SAMD5: variants seen among roughly 807,000 people sequenced by gnomAD.
The protein encoded by SAMD5 is sterile alpha motif domain containing 5, also known as sterile alpha motif domain-containing protein 5.
A neutral mutation model predicts 11.3 loss-of-function variants in SAMD5; 13 were observed. The ratio of observed to expected loss-of-function variants is 1.15; its 90% confidence interval spans 0.75 to 1.83. SAMD5 has a LOEUF of 1.83. SAMD5 is among the 40% of genes most tolerant of loss of function. The probability of loss-of-function intolerance (pLI) is 0.00; values close to 1 mark genes in which losing one functional copy is unlikely to be tolerated. For missense variants in SAMD5, 255 were observed against 239.1 expected (o/e 1.07, Z -0.44); for synonymous variants, 129 against 111.3 (o/e 1.16, Z -1.00).
chr6:147,902,084 G>A, the SAMD5 span, among the ~76,000 whole-genome samples: 1 of 151,826 alleles, frequency 6.6e-6, no homozygotes, highest in Non-Finnish European at 1.5e-5. Flanking sequence ...ATATTACATT[G>A]CTTTTGTAAT....
the SAMD5 span, among the ~76,000 whole-genome samples, chr6:147,796,603 G>T: frequency 1.3e-5 from 2 of 152,154 alleles, no homozygotes; most frequent in Non-Finnish European, 2.9e-5. Flanking sequence ...ATTCTGTGAA[G>T]AAAGTCATTG....
At chr6:147,741,835 T>G (rs2128460792), downstream of SAMD5, 1 of 152,314 alleles carries the variant, frequency 6.6e-6, no homozygotes, top group South Asian at 2.1e-4. Flanking sequence ...TTCTTTCACA[T>G]TTTCAAAGCT....
At chr6:147,944,030 G>T in the SAMD5 span, among the ~76,000 whole-genome samples, 1 of 152,248 alleles carries the variant, frequency 6.6e-6, no homozygotes, top group South Asian at 2.1e-4. Context: ...TACCAAGGAA[G>T]CTACTTCTGG....
chr6:147,806,503 G>A, the SAMD5 span, among the ~76,000 whole-genome samples: 15 of 152,244 alleles, frequency 9.9e-5, no homozygotes, highest in South Asian at 2.1e-4. Context: ...ACAAGCTCCC[G>A]CCTACTTGCT....
At chr6:147,792,120 A>G in the SAMD5 span, among the ~76,000 whole-genome samples, 17 of 152,192 alleles carry the variant, frequency 1.1e-4, no homozygotes, top group Non-Finnish European at 8.8e-5. Flanking sequence ...AGAATGAGAA[A>G]GGAATTTATT....
chr6:147,655,155 G>A (rs62436322), intron 1 of SAMD5, among the ~76,000 whole-genome samples: 17,738 of 151,854 alleles, frequency 0.12, 1,143 homozygotes, highest in Non-Finnish European at 0.15. Context: ...GCTAGTTTGG[G>A]CACACAAATT....
Position 147,625,682 on chromosome 6 carries a change from C to CTAAG in SAMD5, c.163-111634_163-111631dup, listed in dbSNP as rs1158942409. ...AGCCTATGTTTAGATAGCTCACAAA[C>CTAAG]TAAGCCCTTTTAGAGGGTCGTTAAA... On this transcript the variant is annotated intron_variant, in intron 1 of 1. Coordinates refer to the SAMD5 transcript ENST00000566741. Among the ~76,000 whole-genome samples the CTAAG allele has an allele frequency of 1.3e-5, 2 of 152,160 alleles. 1 individual carries two copies. The highest frequency in any genetic ancestry group is 3.9e-4 in the East Asian group (2 of 5,190).
At chr6:147,863,821 A>G in the SAMD5 span, among the ~76,000 whole-genome samples, 1 of 136,190 alleles carries the variant, frequency 7.3e-6, no homozygotes, top group Admixed American at 7.3e-5. Context: ...TCATCATTTC[A>G]CTTTGATTTC....
At chr6:147,825,157 G>T in the SAMD5 span, among the ~76,000 whole-genome samples, 1 of 151,992 alleles carries the variant, frequency 6.6e-6, no homozygotes, top group South Asian at 2.1e-4. Flanking sequence ...AATTAGCCAG[G>T]CGTGGTGGTG....
chr6:147,649,065 G>T (rs1162803337), intron 1 of SAMD5, among the ~76,000 whole-genome samples: 1 of 152,152 alleles, frequency 6.6e-6, no homozygotes, highest in Non-Finnish European at 1.5e-5. Context: ...TATGTTCCAT[G>T]TAATGTTTTC....
At position 147,594,489 on chromosome 6, in the gene SAMD5, T is replaced by C. The variant is rs775403181; in HGVS notation, c.162+85102T>C. Among the ~76,000 whole-genome samples, 27 of 152,214 alleles carry C rather than the reference T, an allele frequency of 1.8e-4. 1 individual carries two copies. Among genetic ancestry groups the C allele is most frequent in the Admixed American group, 3.9e-4 (6 of 15,276 alleles). Reference sequence around the variant, plus strand: ...CAGACATAATTGAGACCGAGTTTGTTCTACAAGTTTTTATCTAATCCATTA... The same window carrying C: ...CAGACATAATTGAGACCGAGTTTGTCCTACAAGTTTTTATCTAATCCATTA... On this transcript the variant is annotated intron_variant, in intron 1 of 1. Transcript: ENST00000566741.
chr6:147,854,137 A>G, the SAMD5 span, among the ~76,000 whole-genome samples: 7 of 152,290 alleles, frequency 4.6e-5, no homozygotes, highest in African/African-American at 7.2e-5. Flanking sequence ...AAGCTTTCAC[A>G]GGATAGGTGA....
At chr6:147,509,447 G>GCCT in intron 1 of SAMD5, 60 bp downstream of exon 1, 1 of 1,444,066 alleles carries the variant, frequency 6.9e-7, no homozygotes, top group Non-Finnish European at 9.2e-7. Context: ...CAGCCCAGCT[G>GCCT]CCTGTGCCAA....
At chr6:147,934,232 C>T in the SAMD5 span, among the ~76,000 whole-genome samples, 1 of 152,166 alleles carries the variant, frequency 6.6e-6, no homozygotes, top group Admixed American at 6.5e-5. Flanking sequence ...AATTTTCCCA[C>T]ATAGCTAGAA....
At chr6:147,622,610 A>G (rs953925539) in intron 1 of SAMD5, among the ~76,000 whole-genome samples, 2 of 152,182 alleles carry the variant, frequency 1.3e-5, no homozygotes, top group Non-Finnish European at 2.9e-5. Flanking sequence ...CCCACCAGGA[A>G]CTATTTCCTG....
rs1462627998 is a variant in SAMD5 at position 147,569,189 on chromosome 6, C to G, written c.*4733C>G. ...TGAGCTGAGATCGCGCCAGTGCGCTCCAGCCTGGGCAACAGAGTGAGACTC... is the reference window on the plus strand; with the variant it reads ...TGAGCTGAGATCGCGCCAGTGCGCTGCAGCCTGGGCAACAGAGTGAGACTC... On this transcript the variant is annotated 3_prime_UTR_variant, in exon 2 of 2. Coordinates refer to ENST00000367474, the MANE Select transcript of SAMD5 (RefSeq NM_001030060.3). The G allele has an allele frequency of 1.3e-5, 3 of 231,358 alleles. No homozygotes were observed. Among genetic ancestry groups the G allele is most frequent in the Non-Finnish European group, 2.1e-5 (3 of 143,496 alleles). The allele number at this position is 231,358 out of a possible 1,614,324, so 14.3% of individuals were successfully genotyped here.
chr6:147,578,792 A>T (rs1187977402), intron 1 of SAMD5, among the ~76,000 whole-genome samples: 1 of 12,798 alleles, frequency 7.8e-5, no homozygotes, highest in Non-Finnish European at 1.3e-4. Context: ...TCTGCGAAGT[A>T]AAAAAAAAAA....
chr6:147,520,669 A>G (rs1788239760), intron 1 of SAMD5, among the ~76,000 whole-genome samples: 1 of 152,180 alleles, frequency 6.6e-6, no homozygotes, highest in Non-Finnish European at 1.5e-5. Context: ...GTCTAAATGG[A>G]TAAGAGTCAG....
downstream of SAMD5, among the ~76,000 whole-genome samples, chr6:147,571,039 T>G (rs943698929): frequency 6.6e-6 from 1 of 152,178 alleles, no homozygotes; most frequent in Non-Finnish European, 1.5e-5. Context: ...AGATCCCTGG[T>G]TTTTAAGACA....
Sources: allele counts gnomAD v4.1 joint callset (sites outside exome capture counted in the v4.1 genomes callset), GRCh38; gene constraint gnomAD v4.1.1; transcripts MANE v1.5; gene names NCBI Gene and HGNC (gene_info 2026-07-23, HGNC 2026-07-21).